Variants in DENR observed in about 807,000 individuals in gnomAD.
The protein encoded by DENR is density-regulated protein.
In DENR, 6 loss-of-function variants were observed where a neutral mutation model predicts 30.6. That is an observed-to-expected ratio of 0.20 (90% CI 0.11 to 0.39). The LOEUF (loss-of-function observed/expected upper bound fraction) is 0.39. DENR is among the 10% of genes least tolerant of loss of function. The pLI is 1.00. For synonymous variants in DENR, 78 were observed against 72.1 expected, an observed-to-expected ratio of 1.08 and a Z score of -0.41; for missense variants, 141 against 230.9, an observed-to-expected ratio of 0.61 and a Z score of 2.52.
intron 2 of DENR, among the ~76,000 whole-genome samples, chr12:122,761,808 G>A (rs1260121): frequency 0.92 from 139,658 of 152,292 alleles, 64,198 homozygotes; most frequent in East Asian, 0.99. Context: ...GAGTGAGACC[G>A]TGTCTCAAAA....
intron 2 of DENR, among the ~76,000 whole-genome samples, chr12:122,759,736 C>T (rs1388471028): frequency 1.3e-5 from 2 of 151,268 alleles, no homozygotes; most frequent in Non-Finnish European, 2.9e-5. Flanking sequence ...TTTTTCTGAA[C>T]TAAATATTAT....
intron 2 of DENR, among the ~76,000 whole-genome samples, chr12:122,756,745 CA>C (rs1878559772): frequency 6.6e-6 from 1 of 152,150 alleles, no homozygotes; most frequent in East Asian, 1.9e-4. Context: ...GAAATTATGG[CA>C]ACGTGGTTTG....
At chr12:122,753,362 C>T (rs964628831) in intron 1 of DENR, among the ~76,000 whole-genome samples, 2 of 152,160 alleles carry the variant, frequency 1.3e-5, no homozygotes, top group Non-Finnish European at 2.9e-5. Context: ...TTGCATCCCT[C>T]CCAGATCACC....
intron 2 of DENR, among the ~76,000 whole-genome samples, chr12:122,758,458 A>C (rs183296616): frequency 6.6e-6 from 1 of 152,308 alleles, no homozygotes; most frequent in Non-Finnish European, 1.5e-5. Context: ...GCATTTTATC[A>C]AGAGGTACCT....
At chr12:122,755,957 C>A (rs903444505) in intron 2 of DENR, among the ~76,000 whole-genome samples, 1 of 152,294 alleles carries the variant, frequency 6.6e-6, no homozygotes, top group African/African-American at 2.4e-5. Context: ...TGTTAGCCAG[C>A]TTGGTAAGAA....
chr12:122,762,343 AT>A, intron 3 of DENR, 137 bp downstream of exon 3: 1 of 611,782 alleles, frequency 1.6e-6, no homozygotes, highest in Non-Finnish European at 2.7e-6. Context: ...GAGAACTTTG[AT>A]TTAGAGTAAT....
intron 4 of DENR, among the ~76,000 whole-genome samples, chr12:122,764,554 C>T (rs980393436): frequency 6.6e-6 from 1 of 152,054 alleles, no homozygotes; most frequent in African/African-American, 2.4e-5. Context: ...GAGCCGAGAT[C>T]GCACCGCTGC....
intron 2 of DENR, among the ~76,000 whole-genome samples, chr12:122,758,433 G>C (rs1878608344): frequency 6.6e-6 from 1 of 152,210 alleles, no homozygotes; most frequent in African/African-American, 2.4e-5. Context: ...CCACAGAAGT[G>C]CTGTTAATTT....
At chr12:122,753,317 A>T (rs1219053681) in intron 1 of DENR, among the ~76,000 whole-genome samples, 1 of 149,734 alleles carries the variant, frequency 6.7e-6, no homozygotes, top group Admixed American at 6.7e-5. Context: ...GCCTCTCTCC[A>T]TTCGGCGCCT....
Position 122,767,580 on chromosome 12 carries a change from A to C in DENR, c.388A>C (p.Arg130=). 2 of 1,601,482 alleles carry C rather than the reference A, an allele frequency of 1.2e-6. No homozygotes were observed. Among genetic ancestry groups the C allele is most frequent in the East Asian group, 4.5e-5 (2 of 44,626 alleles). ...CAGAGCAAAGAAGAAATATGTGACA[A>C]GAGTATGTGGCCTTGCAACTTTTGG... ...IPRAKKKYVT[R]VCGLATFEID... Residue 130 remains arginine (R), a synonymous_variant, in exon 6 of 8, where the codon AGA becomes CGA. Transcript: ENST00000280557.
Position 122,769,321 on chromosome 12 carries a change from T to C in DENR, c.*243T>C, listed in dbSNP as rs533945849. On this transcript the variant is annotated 3_prime_UTR_variant, in exon 8 of 8. Transcript: ENST00000280557. ...ATACATATATACACATATGTATACATATATATATATTCTACAGTAAAACTG... is the reference window on the plus strand; with the variant it reads ...ATACATATATACACATATGTATACACATATATATATTCTACAGTAAAACTG... The C allele has an allele frequency of 7.5e-5, 65 of 872,466 alleles. 2 individuals carry two copies. The highest frequency in any genetic ancestry group is 8.4e-5 in the Non-Finnish European group (61 of 725,456). 54.0% of individuals were successfully genotyped at this position (872,466 alleles called of 1,614,324 possible).
chr12:122,766,793 C>T (rs1878862139), intron 5 of DENR, among the ~76,000 whole-genome samples: 1 of 152,134 alleles, frequency 6.6e-6, no homozygotes, highest in African/African-American at 2.4e-5. Flanking sequence ...ACTGTTGGCA[C>T]TGCTTTACTT....
intron 3 of DENR, 144 bp downstream of exon 3, chr12:122,762,350 G>T: frequency 1.7e-6 from 1 of 595,580 alleles, no homozygotes; most frequent in Non-Finnish European, 2.8e-6. Context: ...TTGATTTAGA[G>T]TAATTTTTTG....
At chr12:122,768,696 A>G (rs1878914248) in intron 6 of DENR, 86 bp from the exon 7 acceptor site, 1 of 1,216,866 alleles carries the variant, frequency 8.2e-7, no homozygotes, top group African/African-American at 1.5e-5. Context: ...TTATGATTTT[A>G]AAATGCAGAT....
Position 122,769,508 on chromosome 12 carries a change from CTCTCTCT to C in DENR, c.*432_*438del. 1 of 978,660 alleles carries C rather than the reference CTCTCTCT, an allele frequency of 1.0e-6. No individual in the cohort carries two copies. The highest frequency in any genetic ancestry group is 1.2e-6 in the Non-Finnish European group (1 of 825,236). 60.6% of individuals were successfully genotyped at this position (978,660 alleles called of 1,614,324 possible). ...TGGTACTGACTTTCTCTCTCTCTCT[CTCTCTCT>C]TTTTTTTTTTTGACAGAGTCTCGCA... On this transcript the variant is annotated 3_prime_UTR_variant, in exon 8 of 8. Transcript: ENST00000280557.
chr12:122,766,024 T>C (rs1392370959), intron 5 of DENR, among the ~76,000 whole-genome samples: 5 of 151,156 alleles, frequency 3.3e-5, no homozygotes, highest in Admixed American at 1.3e-4. Context: ...AATTCACTTA[T>C]AAATATTTTT....
At chr12:122,760,291 A>G (rs959849880) in intron 2 of DENR, among the ~76,000 whole-genome samples, 43 of 152,296 alleles carry the variant, frequency 2.8e-4, no homozygotes, top group Admixed American at 2.2e-3. Context: ...AAACATAATA[A>G]TGTATATAAG....
chr12:122,765,278 C>T (rs866232060), intron 4 of DENR, 26 bp from the exon 5 acceptor site: 2 of 1,530,354 alleles, frequency 1.3e-6, no homozygotes, highest in Non-Finnish European at 1.8e-6. Context: ...GATGTTCATG[C>T]TTTTGTATTT....
chr12:122,765,552 G>A (rs924126584), intron 5 of DENR, among the ~76,000 whole-genome samples, 165 bp downstream of exon 5: 2 of 152,136 alleles, frequency 1.3e-5, no homozygotes, highest in African/African-American at 4.8e-5. Context: ...AGGAGTTCAA[G>A]GCTGTAGTAT....
Sources: allele counts gnomAD v4.1 joint callset (sites outside exome capture counted in the v4.1 genomes callset), GRCh38; gene constraint gnomAD v4.1.1; transcripts MANE v1.5; gene names NCBI Gene and HGNC (gene_info 2026-07-23, HGNC 2026-07-21).